Variants in EDARADD observed in about 807,000 individuals in gnomAD.
The protein encoded by EDARADD is ectodysplasin-A receptor-associated adapter protein.
EDARADD carries 20 observed loss-of-function variants against 25.6 expected under a neutral mutation model. That is an observed-to-expected ratio of 0.78 (90% CI 0.55 to 1.14). EDARADD has a LOEUF of 1.14. Ranked by LOEUF, EDARADD falls within the 50% of genes most tolerant of loss-of-function variation. The probability of loss-of-function intolerance (pLI) is 0.00; values close to 1 mark genes in which losing one functional copy is unlikely to be tolerated. For synonymous variants in EDARADD, 86 were observed against 94.4 expected, an observed-to-expected ratio of 0.91 and a Z score of 0.52; for missense variants, 225 against 270.1, an observed-to-expected ratio of 0.83 and a Z score of 1.17.
rs1439340935 is a variant in EDARADD at position 236,351,334 on chromosome 1, C to T, written c.-6+495C>T. On this transcript the variant is annotated intron_variant, in intron 3 of 7. Coordinates refer to the EDARADD transcript ENST00000439430. ...AGGGGGCTTCCTTATCATGTTGATA[C>T]CGGTGGGCCAGAGGAGGTCTCCAAA... Among the ~76,000 whole-genome samples, 5 of 152,158 alleles carry T rather than the reference C, an allele frequency of 3.3e-5. No homozygotes were observed. The East Asian group carries it at 9.7e-4, about 29-fold the overall frequency.
intron 3 of EDARADD, among the ~76,000 whole-genome samples, chr1:236,363,506 CG>C (rs1667078888): frequency 6.6e-6 from 1 of 151,586 alleles, no homozygotes; most frequent in East Asian, 2.0e-4. Flanking sequence ...CACTTGAGGC[CG>C]GGAGTTTGAG....
chr1:236,405,870 C>CTTTCTTTCTTTCTTTCT (rs1558112769), intron 1 of EDARADD, among the ~76,000 whole-genome samples: 1 of 37,538 alleles, frequency 2.7e-5, no homozygotes, highest in Non-Finnish European at 4.7e-5. Flanking sequence ...TCCTTCCTTC[C>CTTTCTTTCTTTCTTTCT]TTCCTTCTTT....
In EDARADD at chr1:236,395,864, C is replaced by T. The variant is rs1000934272; in HGVS notation, c.61+1359C>T. On this transcript the variant is annotated intron_variant, in intron 1 of 5. Coordinates refer to ENST00000334232, the MANE Select transcript of EDARADD (RefSeq NM_145861.4). The surrounding 1 kb of genome is among the most constrained non-coding windows in gnomAD (Gnocchi z 6.9). ...GCCCCGCGAGCGGCTGCTGACCGCC[C>T]CTCCCGCGCTCGCCAGGGCCCCTGC... 6.6e-5 allele frequency among the ~76,000 whole-genome samples: 10 copies of T among 152,142 alleles called. No homozygotes were observed. The highest frequency in any genetic ancestry group is 1.2e-4 in the Non-Finnish European group (8 of 68,022).
At chr1:236,409,128 C>T (rs1667790760) in intron 1 of EDARADD, 88 bp from the exon 2 acceptor site, 2 of 787,448 alleles carry the variant, frequency 2.5e-6, no homozygotes, top group South Asian at 2.0e-5. Flanking sequence ...TTACTTGCCT[C>T]TGTATAGAGA....
rs527852959 is a variant in EDARADD at position 236,369,411 on chromosome 1, G to T, written c.-6+18572G>T. On this transcript the variant is annotated intron_variant, in intron 3 of 7. Transcript: ENST00000439430. ...TTTTATTGTTTTCCTTATACAGATT[G>T]CAGAGGCCAAAGCAACTTCATTTGG... 2.6e-5 allele frequency among the ~76,000 whole-genome samples: 4 copies of T among 152,256 alleles called. No homozygotes were observed. In the East Asian group the frequency reaches 7.7e-4, roughly 29 times the overall value.
At chr1:236,477,874 G>A (rs146175495) in intron 5 of EDARADD, among the ~76,000 whole-genome samples, 38 of 152,194 alleles carry the variant, frequency 2.5e-4, no homozygotes, top group Middle Eastern at 3.4e-3. Flanking sequence ...AGGCTGAGGC[G>A]GGCAGATCAC....
chr1:236,376,068 G>A (rs1316861560), intron 3 of EDARADD, among the ~76,000 whole-genome samples: 1 of 151,344 alleles, frequency 6.6e-6, no homozygotes, highest in Non-Finnish European at 1.5e-5. Flanking sequence ...CCAAGTGACT[G>A]GGATTACAGG....
At position 236,483,296 on chromosome 1, in the gene EDARADD, T is replaced by C. The variant is rs1571964290; in HGVS notation, c.*647T>C. 3 of 1,600,408 alleles carry C rather than the reference T, an allele frequency of 1.9e-6. No homozygotes were observed. The highest frequency in any genetic ancestry group is 1.7e-6 in the Non-Finnish European group (2 of 1,170,074). ...CCAGTGGTGCTTCAACTGGTATCTA[T>C]GAGGTCCTAGAGCTCCAGGACAATG... On this transcript the variant is annotated 3_prime_UTR_variant, in exon 6 of 6. Transcript: ENST00000334232.
intron 3 of EDARADD, among the ~76,000 whole-genome samples, chr1:236,388,226 A>C (rs1340782740): frequency 6.6e-6 from 1 of 152,086 alleles, no homozygotes; most frequent in African/African-American, 2.4e-5. Context: ...CACATACATG[A>C]GTCTGTGTCT....
intron 4 of EDARADD, among the ~76,000 whole-genome samples, chr1:236,464,421 A>G (rs1460901840): frequency 9.3e-6 from 1 of 107,028 alleles, no homozygotes; most frequent in African/African-American, 3.5e-5. Context: ...TCCTTGCTGC[A>G]ACTTTTTTTT....
intron 3 of EDARADD, among the ~76,000 whole-genome samples, chr1:236,362,769 T>G (rs1667064434): frequency 6.6e-6 from 1 of 151,638 alleles, no homozygotes; most frequent in South Asian, 2.1e-4. Context: ...CAATATCCAG[T>G]TATTCCAGCA....
chr1:236,355,475 C>T (rs981375864), intron 3 of EDARADD, among the ~76,000 whole-genome samples: 1 of 150,014 alleles, frequency 6.7e-6, no homozygotes, highest in Admixed American at 6.7e-5. Context: ...ATTTCCCATC[C>T]ACTCATTCTC....
intron 1 of EDARADD, among the ~76,000 whole-genome samples, chr1:236,400,720 A>ATTTTTTTTTTTTTTTTT (rs55864840): frequency 8.3e-6 from 1 of 121,180 alleles, no homozygotes; most frequent in Non-Finnish European, 1.7e-5. Flanking sequence ...ACACCCGGCT[A>ATTTTTTTTTTTTTTTTT]TTTTTTTTTT....
intron 3 of EDARADD, among the ~76,000 whole-genome samples, chr1:236,386,975 C>T (rs1572120286): frequency 8.6e-5 from 5 of 58,272 alleles, no homozygotes; most frequent in South Asian, 9.7e-4. Context: ...TGAGGGGCGC[C>T]TCTGCCCGGC....
rs151043331 is a variant in EDARADD at position 236,414,007 on chromosome 1, C to T, written c.121-253C>T. ...GCAGAAAAGAGAGGAAGTGTAGTTT[C>T]GTGGTCCAAGCTGTGGAAATTTGGA... On this transcript the variant is annotated intron_variant, in intron 2 of 5. Transcript: ENST00000334232. Among the ~76,000 whole-genome samples, 324 of 151,842 alleles carry T rather than the reference C, an allele frequency of 2.1e-3. 2 individuals carry two copies. The highest frequency in any genetic ancestry group is 7.4e-3 in the African/African-American group (308 of 41,392).
At chr1:236,445,234 C>CTGTTTTTTTTTTTTTTTTTT (rs1658500805) in intron 4 of EDARADD, among the ~76,000 whole-genome samples, 1 of 89,698 alleles carries the variant, frequency 1.1e-5, no homozygotes, top group Non-Finnish European at 2.4e-5. Context: ...ATAATAAATT[C>CTGTTTTTTTTTTTTTTTTTT]TTTTTTTTTT....
intron 4 of EDARADD, among the ~76,000 whole-genome samples, chr1:236,457,809 ACT>A (rs1658914834): frequency 7.0e-6 from 1 of 142,336 alleles, no homozygotes; most frequent in African/African-American, 2.7e-5. Context: ...ACAGAGCAAG[ACT>A]CTGTCCCCCA....
upstream of EDARADD, among the ~76,000 whole-genome samples, chr1:236,392,223 T>G (rs1667434403): frequency 6.6e-6 from 1 of 152,218 alleles, no homozygotes; most frequent in East Asian, 1.9e-4. Context: ...TTCTTATAAC[T>G]AAGGCAATAG....
At chr1:236,429,193 A>C (rs368320935) in intron 4 of EDARADD, among the ~76,000 whole-genome samples, 2 of 143,600 alleles carry the variant, frequency 1.4e-5, no homozygotes, top group Non-Finnish European at 3.0e-5. Context: ...GCAGAGGGAG[A>C]GGGAGCGGGA....
Sources: gnomAD v4.1 joint callset for allele counts (sites outside exome capture counted in the v4.1 genomes callset) on GRCh38, gnomAD v4.1.1 for gene constraint, Gnocchi (gnomAD v3.1) non-coding constraint, MANE v1.5 for transcripts, NCBI Gene and HGNC (gene_info 2026-07-23, HGNC 2026-07-21) for gene names.